Variants in MALRD1 observed in about 807,000 individuals in gnomAD.
MALRD1 encodes the protein MAM and LDL receptor class A domain containing 1, also known as MAM and LDL-receptor class A domain-containing protein 1.
MALRD1 carries 247 observed loss-of-function variants against 242.1 expected under a neutral mutation model. That is an observed-to-expected ratio of 1.02 (90% CI 0.92 to 1.13). The LOEUF is 1.13. Ranked by LOEUF, MALRD1 falls within the 50% of genes most tolerant of loss-of-function variation. MALRD1 has a pLI of 0.00. For missense variants in MALRD1, 2,989 were observed against 2,533.1 expected (o/e 1.18, Z -3.86); for synonymous variants, 995 against 866.6 (o/e 1.15, Z -2.60).
intron 18 of MALRD1, among the ~76,000 whole-genome samples, chr10:19,234,722 A>C (rs1838228042): frequency 6.6e-6 from 1 of 152,156 alleles, no homozygotes; most frequent in South Asian, 2.1e-4. Context: ...ACACTATGCC[A>C]CTTGGTGGAG....
intron 31 of MALRD1, among the ~76,000 whole-genome samples, chr10:19,506,383 A>G (rs1833145183): frequency 6.6e-6 from 1 of 152,186 alleles, no homozygotes. Context: ...TGCTCTTTAG[A>G]GAACTGTGAC....
At chr10:19,593,882 C>T (rs775943364) in intron 33 of MALRD1, among the ~76,000 whole-genome samples, 3 of 152,160 alleles carry the variant, frequency 2.0e-5, no homozygotes, top group Non-Finnish European at 2.9e-5. Flanking sequence ...AGCAGGTTAT[C>T]TTCAGGATTC....
chr10:19,204,263 C>G, intron 15 of MALRD1, 45 bp from the exon 16 acceptor site: 1 of 1,202,398 alleles, frequency 8.3e-7, no homozygotes, highest in Non-Finnish European at 1.2e-6. Context: ...ATTTTAGAAT[C>G]CAATAGGTTA....
At chr10:19,455,256 G>T (rs1434910078) in intron 29 of MALRD1, among the ~76,000 whole-genome samples, 1 of 152,070 alleles carries the variant, frequency 6.6e-6, no homozygotes, top group African/African-American at 2.4e-5. Flanking sequence ...GTAAAGAAAG[G>T]GTTATCGTAT....
intron 22 of MALRD1, among the ~76,000 whole-genome samples, chr10:19,324,528 G>A (rs1208336215): frequency 6.6e-6 from 1 of 151,360 alleles, no homozygotes; most frequent in African/African-American, 2.4e-5. Context: ...AAAACGTTAA[G>A]CTGTTTTAAA....
chr10:19,639,024 A>G (rs1336064287), intron 36 of MALRD1, among the ~76,000 whole-genome samples: 2 of 152,184 alleles, frequency 1.3e-5, no homozygotes, highest in African/African-American at 4.8e-5. Context: ...TAAATCAACC[A>G]GAGCTCCCTA....
At chr10:19,659,060 T>G (rs1370769357) in intron 36 of MALRD1, among the ~76,000 whole-genome samples, 1 of 152,216 alleles carries the variant, frequency 6.6e-6, no homozygotes, top group East Asian at 1.9e-4. Flanking sequence ...TGTATTTTCC[T>G]ACTTTTTGCT....
At chr10:19,317,936 T>C (rs1010616786) in intron 21 of MALRD1, among the ~76,000 whole-genome samples, 4 of 152,096 alleles carry the variant, frequency 2.6e-5, no homozygotes, top group African/African-American at 9.7e-5. Context: ...TAAAGCACGA[T>C]TTTCTTAAAC....
chr10:19,688,270 CTAT>C (rs750270569), intron 36 of MALRD1, among the ~76,000 whole-genome samples: 2 of 152,080 alleles, frequency 1.3e-5, no homozygotes, highest in Admixed American at 6.6e-5. Flanking sequence ...TGTGCCCGGC[CTAT>C]TATTATTATT....
rs1836721443 is a variant in MALRD1 at position 19,112,715 on chromosome 10, G to A, written c.694+8640G>A. The stretch of plus-strand genomic sequence containing the variant: ...CTGGATAACTTTAGTTGCTAGGCAG[G>A]CTAACAAAACTGAATATTTAGCTTT... On this transcript the variant is annotated intron_variant, in intron 5 of 39. Transcript: ENST00000454679. 2.6e-5 allele frequency among the ~76,000 whole-genome samples: 4 copies of A among 152,262 alleles called. No individual in the cohort carries two copies. In the South Asian group the frequency reaches 8.3e-4, roughly 32 times the overall value.
chr10:19,298,405 G>T (rs963085968), intron 21 of MALRD1, among the ~76,000 whole-genome samples: 1 of 151,864 alleles, frequency 6.6e-6, no homozygotes, highest in African/African-American at 2.4e-5. Context: ...TGGTTGGAAT[G>T]GGACAAAGGA....
In MALRD1 at chr10:19,204,979, G is replaced by A; in HGVS notation, c.2292G>A (p.Trp764Ter). ...MENSHDSTVI[W>*]RVLYNQGKQW... ...ATTCTCATGACTCAACAGTGATTTG[G>A]AGAGTATTATACAATCAGGGCAAAC... The change falls in exon 17 of 40, where the codon TGG (tryptophan) becomes TGA (stop). Residue 764 changes from tryptophan (W) to a stop codon, truncating the protein, a stop_gained. Transcript: ENST00000454679. LOFTEE classifies it high-confidence loss of function. 3 of 1,550,764 alleles carry A rather than the reference G, an allele frequency of 1.9e-6. No homozygotes were observed. The highest frequency in any genetic ancestry group is 2.6e-6 in the Non-Finnish European group (3 of 1,147,014).
intron 18 of MALRD1, among the ~76,000 whole-genome samples, chr10:19,234,368 C>A (rs1317308377): frequency 6.6e-6 from 1 of 151,324 alleles, no homozygotes; most frequent in Non-Finnish European, 1.5e-5. Flanking sequence ...TATTTTTGAG[C>A]CCCTAAAAAA....
intron 5 of MALRD1, among the ~76,000 whole-genome samples, chr10:19,111,024 G>A (rs888772525): frequency 2.0e-5 from 3 of 152,152 alleles, no homozygotes; most frequent in South Asian, 4.1e-4. Context: ...GAGATGGCCT[G>A]TAATAAGATT....
At chr10:19,186,677 C>A (rs1835749634) in intron 14 of MALRD1, among the ~76,000 whole-genome samples, 2 of 151,128 alleles carry the variant, frequency 1.3e-5, no homozygotes. Flanking sequence ...ATTTTTTTTT[C>A]CGTGTCATAC....
At chr10:19,118,441 G>T (rs2131369999) in intron 5 of MALRD1, among the ~76,000 whole-genome samples, 1 of 152,138 alleles carries the variant, frequency 6.6e-6, no homozygotes, top group South Asian at 2.1e-4. Context: ...TGGAAGAGGG[G>T]GCTTCCAGGT....
intron 13 of MALRD1, among the ~76,000 whole-genome samples, chr10:19,167,032 T>C (rs1371613590): frequency 1.3e-5 from 2 of 152,122 alleles, no homozygotes; most frequent in Non-Finnish European, 2.9e-5. Context: ...ATAGCTAAAA[T>C]GGCAGCCATG....
At chr10:19,169,272 A>T (rs1013871557) in intron 13 of MALRD1, among the ~76,000 whole-genome samples, 1 of 152,132 alleles carries the variant, frequency 6.6e-6, no homozygotes, top group Non-Finnish European at 1.5e-5. Flanking sequence ...GACCCCAAAG[A>T]CTTTAGATAA....
At chr10:19,570,537 A>T (rs1049435705) in intron 33 of MALRD1, among the ~76,000 whole-genome samples, 2 of 152,014 alleles carry the variant, frequency 1.3e-5, no homozygotes, top group African/African-American at 4.8e-5. Flanking sequence ...TTGTGGCACT[A>T]TGGTGGAAAA....
Sources: gnomAD v4.1 joint callset for allele counts (sites outside exome capture counted in the v4.1 genomes callset) on GRCh38, gnomAD v4.1.1 for gene constraint, MANE v1.5 for transcripts, NCBI Gene and HGNC (gene_info 2026-07-23, HGNC 2026-07-21) for gene names.